SAMD12: variants seen among roughly 807,000 people sequenced by gnomAD.
SAMD12 encodes sterile alpha motif domain-containing protein 12.
In SAMD12, 9 loss-of-function variants were observed where a neutral mutation model predicts 15.0. The observed-to-expected ratio is 0.60, with a 90% CI of 0.36 to 1.05. The LOEUF is 1.05. SAMD12 is among the 50% of genes least tolerant of loss of function. The pLI is 0.01. For synonymous variants in SAMD12, 86 were observed against 90.1 expected (o/e 0.96, Z 0.25); for missense variants, 230 against 234.2 (o/e 0.98, Z 0.12).
chr8:118,445,113 T>C (rs924091192), intron 2 of SAMD12, among the ~76,000 whole-genome samples: 5 of 152,162 alleles, frequency 3.3e-5, no homozygotes, highest in Non-Finnish European at 7.4e-5. Context: ...TTTTATTAAC[T>C]TTTATTGTGT....
At chr8:118,488,247 GT>G (rs1263765357) in intron 2 of SAMD12, among the ~76,000 whole-genome samples, 2 of 151,640 alleles carry the variant, frequency 1.3e-5, no homozygotes, top group Non-Finnish European at 2.9e-5. Context: ...CAAATGACAA[GT>G]TGCATCATCT....
At chr8:118,210,639 T>C (rs961132212) in intron 4 of SAMD12, among the ~76,000 whole-genome samples, 4 of 152,234 alleles carry the variant, frequency 2.6e-5, no homozygotes, top group Non-Finnish European at 5.9e-5. Context: ...CCATTCATGA[T>C]GGCAACCTCA....
chr8:118,371,584 T>C (rs1327663998), intron 4 of SAMD12, among the ~76,000 whole-genome samples: 1 of 152,050 alleles, frequency 6.6e-6, no homozygotes, highest in African/African-American at 2.4e-5. Context: ...GGTATTAACC[T>C]TGAGAACCAA....
intron 3 of SAMD12, among the ~76,000 whole-genome samples, chr8:118,418,138 C>T (rs998257049): frequency 5.9e-5 from 9 of 152,168 alleles, no homozygotes; most frequent in Admixed American, 1.3e-4. Context: ...TGAGGTAGTG[C>T]GTCCAAATAA....
the SAMD12 span, among the ~76,000 whole-genome samples, chr8:118,177,057 G>T: frequency 6.3e-4 from 96 of 152,244 alleles, 1 homozygote; most frequent in South Asian, 1.9e-3. Context: ...GAATAGTAAG[G>T]TCCCAAGATG....
intron 2 of SAMD12, among the ~76,000 whole-genome samples, chr8:118,446,815 T>C (rs1265244656): frequency 6.6e-6 from 1 of 152,152 alleles, no homozygotes; most frequent in Non-Finnish European, 1.5e-5. Flanking sequence ...GTCTCATGGC[T>C]TGTTTTTTGG....
chr8:118,438,164 A>G (rs1434540188), intron 3 of SAMD12, among the ~76,000 whole-genome samples: 1 of 152,154 alleles, frequency 6.6e-6, no homozygotes, highest in Non-Finnish European at 1.5e-5. Context: ...AAGTACCCAC[A>G]CTGCCTTCCG....
chr8:118,245,908 T>C (rs1812680110), intron 4 of SAMD12, among the ~76,000 whole-genome samples: 2 of 152,122 alleles, frequency 1.3e-5, no homozygotes, highest in Admixed American at 1.3e-4. Context: ...TGGAAACCCA[T>C]TTTAGGCAGA....
At chr8:118,470,704 A>AATTTATATTAT (rs1389428136) in intron 2 of SAMD12, among the ~76,000 whole-genome samples, 7 of 152,336 alleles carry the variant, frequency 4.6e-5, no homozygotes, top group African/African-American at 1.4e-4. Flanking sequence ...ATGCTAACAC[A>AATTTATATTAT]GTGTCTCACA....
At position 118,621,950 on chromosome 8, in the gene SAMD12, A is replaced by T. The variant is rs988144456; in HGVS notation, c.-134T>A. ...GCTCCAGGACCAACCTGCCGCGGTC[A>T]CGCAAAGCGAGGCAGCCGGCTCCCG... On this transcript the variant is annotated 5_prime_UTR_variant, in exon 1 of 4. Coordinates refer to ENST00000314727, the MANE Select transcript of SAMD12 (RefSeq NM_207506.3). 8.9e-7 allele frequency: 1 copy of T among 1,124,084 alleles called. No individual in the cohort carries two copies. The highest frequency in any genetic ancestry group is 1.2e-5 in the South Asian group (1 of 80,332). 69.6% of individuals were successfully genotyped at this position (1,124,084 alleles called of 1,614,324 possible).
chr8:118,210,960 T>G (rs1369658511), intron 4 of SAMD12, among the ~76,000 whole-genome samples: 1 of 152,164 alleles, frequency 6.6e-6, no homozygotes, highest in Non-Finnish European at 1.5e-5. Context: ...ACATCAGGGA[T>G]ATAAAAATGA....
chr8:118,306,353 C>A (rs1029821785), intron 4 of SAMD12, among the ~76,000 whole-genome samples: 1 of 152,124 alleles, frequency 6.6e-6, no homozygotes, highest in Non-Finnish European at 1.5e-5. Context: ...TGCCTCTCAG[C>A]CTCTTTTGTA....
intron 4 of SAMD12, among the ~76,000 whole-genome samples, chr8:118,315,047 C>G (rs1218658613): frequency 6.6e-6 from 1 of 152,178 alleles, no homozygotes; most frequent in African/African-American, 2.4e-5. Flanking sequence ...TCTTCCTACT[C>G]ATACTTAGTT....
At chr8:118,604,327 A>C (rs989382479) in intron 1 of SAMD12, among the ~76,000 whole-genome samples, 2 of 152,232 alleles carry the variant, frequency 1.3e-5, no homozygotes, top group Admixed American at 1.3e-4. Flanking sequence ...GTTTGTATAT[A>C]AAGTATTTGT....
At chr8:118,466,908 C>T (rs1480727968) in intron 2 of SAMD12, among the ~76,000 whole-genome samples, 1 of 152,210 alleles carries the variant, frequency 6.6e-6, no homozygotes, top group African/African-American at 2.4e-5. Flanking sequence ...TTTTCACTTG[C>T]TTTGCTGATC....
At chr8:118,603,452 T>C (rs1453562953) in intron 1 of SAMD12, among the ~76,000 whole-genome samples, 1 of 152,178 alleles carries the variant, frequency 6.6e-6, no homozygotes, top group East Asian at 1.9e-4. Flanking sequence ...GACTGGAAAC[T>C]AGAATATATT....
At chr8:118,177,014 C>T in the SAMD12 span, among the ~76,000 whole-genome samples, 6 of 152,204 alleles carry the variant, frequency 3.9e-5, no homozygotes, top group East Asian at 1.9e-4. Context: ...GAAACAGTTA[C>T]GTGGTGATGC....
intron 3 of SAMD12, among the ~76,000 whole-genome samples, chr8:118,385,178 G>C (rs1819887887): frequency 6.6e-6 from 1 of 152,154 alleles, no homozygotes; most frequent in Non-Finnish European, 1.5e-5. Context: ...AGGTGCCCGG[G>C]TACTTAGTCA....
At chr8:118,519,026 CTT>C in intron 2 of SAMD12, among the ~76,000 whole-genome samples, 1 of 152,130 alleles carries the variant, frequency 6.6e-6, no homozygotes, top group Non-Finnish European at 1.5e-5. Context: ...TGGAAATGCA[CTT>C]AAGTATCAGC....
Sources: allele counts gnomAD v4.1 joint callset (sites outside exome capture counted in the v4.1 genomes callset), GRCh38; gene constraint gnomAD v4.1.1; transcripts MANE v1.5; gene names NCBI Gene and HGNC (gene_info 2026-07-23, HGNC 2026-07-21).